MYO16: variants seen among roughly 807,000 people sequenced by gnomAD.
MYO16 encodes unconventional myosin-XVI.
In MYO16, 94 loss-of-function variants were observed where a neutral mutation model predicts 205.3. The ratio of observed to expected loss-of-function variants is 0.46; its 90% CI spans 0.39 to 0.54. The LOEUF is 0.54. MYO16 is among the 20% of genes least tolerant of loss of function. MYO16 has a pLI of 0.00. For synonymous variants in MYO16, 988 were observed against 954.0 expected (o/e 1.04, Z -0.66); for missense variants, 2,315 against 2,387.5 (o/e 0.97, Z 0.63).
At chr13:108,741,117 A>G (rs940611414) in intron 4 of MYO16, among the ~76,000 whole-genome samples, 4 of 151,588 alleles carry the variant, frequency 2.6e-5, no homozygotes, top group Non-Finnish European at 5.9e-5. Flanking sequence ...TTCAGCTCTT[A>G]CTCGGTGGGC....
chr13:108,818,240 T>G (rs548630377), intron 7 of MYO16, among the ~76,000 whole-genome samples: 1 of 151,746 alleles, frequency 6.6e-6, no homozygotes, highest in African/African-American at 2.4e-5. Context: ...AAAAATTATC[T>G]AGGTGCGGTG....
intron 27 of MYO16, among the ~76,000 whole-genome samples, chr13:109,060,290 G>T (rs1594510849): frequency 1.3e-5 from 2 of 152,132 alleles, no homozygotes; most frequent in African/African-American, 4.8e-5. Flanking sequence ...ATACACCGTG[G>T]AATACTATGC....
chr13:108,742,369 G>A (rs890897153), intron 4 of MYO16, among the ~76,000 whole-genome samples: 1 of 151,748 alleles, frequency 6.6e-6, no homozygotes, highest in Non-Finnish European at 1.5e-5. Flanking sequence ...CAAATGTTTT[G>A]GCTCCCCCAA....
intron 33 of MYO16, among the ~76,000 whole-genome samples, chr13:109,174,885 G>A (rs753292826): frequency 4.9e-4 from 74 of 151,362 alleles, no homozygotes; most frequent in Non-Finnish European, 4.9e-4. Flanking sequence ...CCGAGTAGCT[G>A]GGACTACAGG....
At position 109,191,428 on chromosome 13, in the gene MYO16, TG is replaced by T. The variant is rs1289762004; in HGVS notation, c.5415+11797del. Among the ~76,000 whole-genome samples the T allele has an allele frequency of 2.6e-5, 4 of 151,858 alleles. No individual in the cohort carries two copies. In the East Asian group the frequency reaches 5.8e-4, roughly 22 times the overall value. Reference sequence around the variant, plus strand: ...AATACACTAAAAGGAAAAAATCATATGGAAAAAAGAAAACGTTCAACAGGGT... The same window carrying T: ...AATACACTAAAAGGAAAAAATCATATGAAAAAAGAAAACGTTCAACAGGGT... On this transcript the variant is annotated intron_variant, in intron 34 of 34. Coordinates refer to ENST00000457511, the MANE Select transcript of MYO16 (RefSeq NM_001198950.3).
At chr13:108,502,995 G>A in the MYO16 span, among the ~76,000 whole-genome samples, 176 of 152,274 alleles carry the variant, frequency 1.2e-3, no homozygotes, top group Non-Finnish European at 5.3e-4. Flanking sequence ...AGTGTAGCTT[G>A]CTATTTTCAT....
At chr13:108,621,872 A>G (rs1879555817) in intron 1 of MYO16, among the ~76,000 whole-genome samples, 1 of 152,168 alleles carries the variant, frequency 6.6e-6, no homozygotes, top group Non-Finnish European at 1.5e-5. Flanking sequence ...TTTTGCTATA[A>G]TTGTCCTGTT....
intron 34 of MYO16, among the ~76,000 whole-genome samples, chr13:109,184,989 G>T (rs1002854098): frequency 6.6e-6 from 1 of 152,056 alleles, no homozygotes; most frequent in African/African-American, 2.4e-5. Context: ...TGGTCAGGCT[G>T]GTCTCAAACT....
At chr13:109,002,113 A>C (rs993971979) in intron 21 of MYO16, among the ~76,000 whole-genome samples, 6 of 152,120 alleles carry the variant, frequency 3.9e-5, no homozygotes, top group African/African-American at 1.4e-4. Flanking sequence ...CAATGCCTGC[A>C]CCCCACTCCA....
chr13:109,064,541 G>A (rs1397143943), intron 27 of MYO16, among the ~76,000 whole-genome samples: 1 of 152,160 alleles, frequency 6.6e-6, no homozygotes, highest in African/African-American at 2.4e-5. Context: ...TTTCTCTCTT[G>A]CATTGCATTT....
chr13:108,875,785 G>A (rs1479032873), intron 12 of MYO16, among the ~76,000 whole-genome samples: 1 of 152,014 alleles, frequency 6.6e-6, no homozygotes, highest in Non-Finnish European at 1.5e-5. Context: ...AAGGCAGGAG[G>A]ATCGCTTGAC....
At chr13:109,062,732 T>C (rs9559480) in intron 27 of MYO16, among the ~76,000 whole-genome samples, 75,175 of 151,810 alleles carry the variant, frequency 0.5, 18,626 homozygotes, top group Middle Eastern at 0.55. Context: ...AAATAGCATA[T>C]TTTAGTATTT....
chr13:109,089,081 G>A (rs1349349809), intron 27 of MYO16, among the ~76,000 whole-genome samples: 1 of 152,106 alleles, frequency 6.6e-6, no homozygotes. Context: ...GAGAGAGGGT[G>A]GGGGAGAGGG....
intron 4 of MYO16, among the ~76,000 whole-genome samples, chr13:108,749,361 G>T (rs1364062877): frequency 6.6e-6 from 1 of 152,060 alleles, no homozygotes; most frequent in Non-Finnish European, 1.5e-5. Flanking sequence ...CTGTTCCTAT[G>T]AATTTATCTC....
chr13:109,206,926 C>A lies in MYO16; in HGVS notation c.*90C>A. 1 of 1,113,120 alleles carries A rather than the reference C, an allele frequency of 9.0e-7. No homozygotes were observed. 69.0% of individuals were successfully genotyped at this position (1,113,120 alleles called of 1,614,324 possible). On this transcript the variant is annotated 3_prime_UTR_variant, in exon 35 of 35. Transcript: ENST00000457511. Reference sequence around the variant, plus strand: ...GGCTGCCTTCTGACATGCGCTGGGGCTTCTCTCCACGCATTTAGACAAAAA... The same window carrying A: ...GGCTGCCTTCTGACATGCGCTGGGGATTCTCTCCACGCATTTAGACAAAAA...
In MYO16 at chr13:109,207,114, CTGGGAAAAGTG is replaced by C; in HGVS notation, c.*282_*292del. Reference sequence around the variant, plus strand: ...CTACCCCTAGGTAGCAAGAGAGAGGCTGGGAAAAGTGTGGACGTGGCCAGAGCGAGAGAGTA... The same window carrying C: ...CTACCCCTAGGTAGCAAGAGAGAGGCTGGACGTGGCCAGAGCGAGAGAGTA... On this transcript the variant is annotated 3_prime_UTR_variant, in exon 35 of 35. Transcript: ENST00000457511. The C allele has an allele frequency of 7.4e-6, 3 of 404,388 alleles. No individual in the cohort carries two copies. Among genetic ancestry groups the C allele is most frequent in the Non-Finnish European group, 1.4e-5 (3 of 220,534 alleles). The allele number at this position is 404,388 out of a possible 1,614,324, so 25.0% of individuals were successfully genotyped here.
At chr13:108,556,736 T>A in the MYO16 span, among the ~76,000 whole-genome samples, 3 of 152,206 alleles carry the variant, frequency 2.0e-5, no homozygotes, top group East Asian at 3.8e-4. Context: ...TTCCTCTATA[T>A]TTTCTTCTAG....
chr13:109,112,837 G>T (rs918931624), intron 28 of MYO16, among the ~76,000 whole-genome samples: 1 of 152,156 alleles, frequency 6.6e-6, no homozygotes, highest in African/African-American at 2.4e-5. Flanking sequence ...TTAAAATTCT[G>T]CCTTCTCCAT....
At chr13:108,554,330 G>A in the MYO16 span, among the ~76,000 whole-genome samples, 5 of 151,996 alleles carry the variant, frequency 3.3e-5, no homozygotes, top group Non-Finnish European at 5.9e-5. Flanking sequence ...GTCAGCACTG[G>A]CCTCCCAATC....
Sources: allele counts gnomAD v4.1 joint callset (sites outside exome capture counted in the v4.1 genomes callset), GRCh38; gene constraint gnomAD v4.1.1; transcripts MANE v1.5; gene names NCBI Gene and HGNC (gene_info 2026-07-23, HGNC 2026-07-21).